HUS1: variants seen among roughly 807,000 people sequenced by gnomAD.
The protein encoded by HUS1 is HUS1 checkpoint clamp component, also known as checkpoint protein HUS1.
HUS1 carries 31 observed loss-of-function variants against 32.6 expected under a neutral mutation model. The observed-to-expected ratio is 0.95, with a 90% confidence interval of 0.72 to 1.28. The LOEUF (loss-of-function observed/expected upper bound fraction) is 1.28, where lower values mean the gene tolerates loss of function less well. Among genes scored for constraint, HUS1 ranks in the 50% most tolerant of loss-of-function variants. The probability of loss-of-function intolerance (pLI) is 0.00; values close to 1 mark genes in which losing one functional copy is unlikely to be tolerated. For missense variants in HUS1, 340 were observed against 337.7 expected (o/e 1.01, Z -0.05); for synonymous variants, 123 against 116.6 (o/e 1.06, Z -0.36).
At chr7:47,975,317 C>CAAAA (rs199919857) in intron 5 of HUS1, among the ~76,000 whole-genome samples, 1 of 60,982 alleles carries the variant, frequency 1.6e-5, no homozygotes, top group African/African-American at 5.6e-5. Context: ...GACTCTGTCT[C>CAAAA]AAAAAAAAAA....
At position 47,976,807 on chromosome 7, in the gene HUS1, T is replaced by A; in HGVS notation, c.388A>T (p.Thr130Ser). 1 of 1,613,130 alleles carries A rather than the reference T, an allele frequency of 6.2e-7. No individual in the cohort carries two copies. Among genetic ancestry groups the A allele is most frequent in the South Asian group, 1.1e-5 (1 of 91,046 alleles). ...LSMSSSSRIV[T>S]HDIPIKVIPR... The stretch of plus-strand genomic sequence containing the variant: ...ATCACCTTTATGGGGATGTCATGGG[T>A]CACAATGCGGCTACTGCTTGACATA... Residue 130 changes from threonine (T) to serine (S), a missense_variant, in exon 4 of 8, where the codon ACC becomes TCC. Coordinates refer to ENST00000258774, the MANE Select transcript of HUS1 (RefSeq NM_004507.4).
At chr7:47,973,463 G>GTTCTTGC (rs1788639802) in intron 5 of HUS1, among the ~76,000 whole-genome samples, 1 of 152,138 alleles carries the variant, frequency 6.6e-6, no homozygotes, top group African/African-American at 2.4e-5. Context: ...ATTCCCTCCA[G>GTTCTTGC]TTCTTGCTTC....
chr7:47,967,778 G>A (rs761082875), intron 7 of HUS1, 28 bp downstream of exon 7: 1 of 1,589,708 alleles, frequency 6.3e-7, no homozygotes, highest in Non-Finnish European at 8.6e-7. Flanking sequence ...GAAAGAATAT[G>A]AAAAACAAAA....
intron 6 of HUS1, chr7:47,968,817 T>G (rs1282700505): frequency 6.1e-6 from 1 of 164,150 alleles, no homozygotes; most frequent in African/African-American, 2.4e-5. Context: ...CTACACTAAT[T>G]TCATACATAT....
Position 47,975,538 on chromosome 7 carries a change from T to C in HUS1, c.540+75A>G, listed in dbSNP as rs537065681. 5.4e-5 allele frequency: 50 copies of C among 927,914 alleles called. 1 individual carries two copies. The East Asian group carries it at 1.2e-3, about 23-fold the overall frequency. 57.5% of individuals were successfully genotyped at this position (927,914 alleles called of 1,614,324 possible). On this transcript the variant is annotated intron_variant, in intron 5 of 7. Transcript: ENST00000258774. ...GGAGGTGCCCACCTGCATGGACTGC[T>C]GCAGGGTGAGCTGGAGAACCCACGC...
rs1023175174 is a variant in HUS1, at chr7:47,973,197, T to C, written c.540+2416A>G. Among the ~76,000 whole-genome samples, 5 of 152,196 alleles carry C rather than the reference T, an allele frequency of 3.3e-5. No homozygotes were observed. In the South Asian group the frequency reaches 6.2e-4, roughly 19 times the overall value. On this transcript the variant is annotated intron_variant, in intron 5 of 7. Transcript: ENST00000258774. ...GACTGTGAGTCAATTAAACCTCTTTTGTTTATAAATTACCTGGTCTCAGGT... is the reference window on the plus strand; with the variant it reads ...GACTGTGAGTCAATTAAACCTCTTTCGTTTATAAATTACCTGGTCTCAGGT...
At chr7:47,971,094 T>C (rs1199418759) in intron 5 of HUS1, among the ~76,000 whole-genome samples, 2 of 152,150 alleles carry the variant, frequency 1.3e-5, no homozygotes, top group Non-Finnish European at 1.5e-5. Context: ...AGACATAATA[T>C]AACCATTACA....
chr7:47,977,613 T>C (rs1370589495), intron 3 of HUS1, among the ~76,000 whole-genome samples: 2 of 152,186 alleles, frequency 1.3e-5, no homozygotes, highest in Non-Finnish European at 2.9e-5. Flanking sequence ...AAAGCTGGGC[T>C]GGGCGCCGTG....
intron 7 of HUS1, among the ~76,000 whole-genome samples, chr7:47,967,535 C>T (rs546410937): frequency 6.6e-6 from 1 of 152,168 alleles, no homozygotes; most frequent in African/African-American, 2.4e-5. Context: ...CCAACTGAGG[C>T]AGCACACAAC....
chr7:47,970,158 G>A (rs1788565886), intron 5 of HUS1, among the ~76,000 whole-genome samples: 2 of 150,596 alleles, frequency 1.3e-5, no homozygotes, highest in Non-Finnish European at 3.0e-5. Context: ...GCATGAACCC[G>A]GGAGGCGGAA....
chr7:47,969,155 A>G, intron 6 of HUS1, 64 bp downstream of exon 6: 1 of 770,764 alleles, frequency 1.3e-6, no homozygotes, highest in East Asian at 2.5e-5. Context: ...AGAGACCTCA[A>G]CAGGTAGGTT....
chr7:47,975,780 C>T lies in HUS1; in HGVS notation c.466-93G>A, dbSNP rs1262985783. 1.0e-5 allele frequency: 7 copies of T among 668,980 alleles called. No homozygotes were observed. In the African/African-American group the frequency reaches 1.2e-4, roughly 11 times the overall value. 41.4% of individuals were successfully genotyped at this position (668,980 alleles called of 1,614,324 possible). A position where few individuals can be genotyped will look rare whatever the true frequency, so the allele number is the denominator to read the frequency against. The stretch of plus-strand genomic sequence containing the variant: ...CCCATAACTAACTCTAGAACACATG[C>T]ATGCTCAAAAACTATGGGATACTAT... On this transcript the variant is annotated intron_variant, in intron 4 of 7. Coordinates refer to ENST00000258774, the MANE Select transcript of HUS1 (RefSeq NM_004507.4).
At chr7:47,975,732 T>C (rs539152745) in intron 4 of HUS1, 45 bp from the exon 5 acceptor site, 3 of 1,121,270 alleles carry the variant, frequency 2.7e-6, no homozygotes, top group Admixed American at 4.0e-5. Flanking sequence ...AAAATATTAA[T>C]ATACTCTAGT....
At chr7:47,966,284 G>A (rs894572968) in intron 7 of HUS1, among the ~76,000 whole-genome samples, 1 of 152,168 alleles carries the variant, frequency 6.6e-6, no homozygotes, top group Non-Finnish European at 1.5e-5. Context: ...AGTTAAGAAG[G>A]TATGAGAAGT....
chr7:47,975,803 T>C (rs1483054465), intron 4 of HUS1, 116 bp from the exon 5 acceptor site: 4 of 595,422 alleles, frequency 6.7e-6, no homozygotes, highest in African/African-American at 2.0e-5. Flanking sequence ...TATGGGATAC[T>C]ATTTTACAAT....
At chr7:47,971,044 G>A (rs772534329) in intron 5 of HUS1, among the ~76,000 whole-genome samples, 7 of 152,112 alleles carry the variant, frequency 4.6e-5, no homozygotes, top group Non-Finnish European at 1.0e-4. Context: ...GAAGAGGACA[G>A]AATAACGTGT....
At position 47,978,424 on chromosome 7, in the gene HUS1, A is replaced by T. The variant is rs768071524; in HGVS notation, c.350T>A (p.Val117Glu). Residue 117 changes from valine to glutamate, a missense_variant, in exon 3 of 8, where the codon GTG becomes GAG. By Grantham distance (121) the Val-to-Glu change is moderately radical (BLOSUM62 -2). Coordinates refer to ENST00000258774, the MANE Select transcript of HUS1 (RefSeq NM_004507.4). ...CCTGACTCTCCTACTCACCAGCTCC[A>T]CGGAGACCGTGAGGCAGGGAAAGTG... is the stretch of plus-strand genomic sequence containing the variant. ...NKHFPCLTVS[V>E]ELLSMSSSSR... The T allele has an allele frequency of 6.2e-7, 1 of 1,613,886 alleles. No homozygotes were observed. Among genetic ancestry groups the T allele is most frequent in the Non-Finnish European group, 8.5e-7 (1 of 1,179,738 alleles).
At chr7:47,970,811 C>G (rs567488627) in intron 5 of HUS1, among the ~76,000 whole-genome samples, 3 of 152,174 alleles carry the variant, frequency 2.0e-5, no homozygotes, top group Non-Finnish European at 4.4e-5. Context: ...TGGAGTCATT[C>G]TTTTTGATAG....
intron 7 of HUS1, among the ~76,000 whole-genome samples, 185 bp downstream of exon 7, chr7:47,967,621 T>C (rs1788505003): frequency 6.6e-6 from 1 of 151,730 alleles, no homozygotes; most frequent in African/African-American, 2.4e-5. Context: ...GCTGCCACCT[T>C]AGGTACTTCT....
Sources: allele counts gnomAD v4.1 joint callset (sites outside exome capture counted in the v4.1 genomes callset), GRCh38; gene constraint gnomAD v4.1.1; transcripts MANE v1.5; gene names NCBI Gene and HGNC (gene_info 2026-07-23, HGNC 2026-07-21).